The following MAF variants were observed in gnomAD, a reference collection of about 807,000 sequenced individuals.
MAF encodes MAF bZIP transcription factor.
Under a neutral mutation model 22.0 loss-of-function variants are expected in MAF, and 10 were observed. The ratio of observed to expected loss-of-function variants is 0.45; its 90% CI spans 0.28 to 0.77. The LOEUF (loss-of-function observed/expected upper bound fraction) is 0.77, where lower values mean the gene tolerates loss of function less well. MAF is among the 30% of genes least tolerant of loss of function. The probability of loss-of-function intolerance (pLI) is 0.12; values close to 1 mark genes in which losing one functional copy is unlikely to be tolerated. For synonymous variants in MAF, 337 were observed against 255.8 expected (o/e 1.32, Z -3.03); for missense variants, 544 against 548.4 (o/e 0.99, Z 0.08).
At chr16:79,561,009 T>C in the MAF span, among the ~76,000 whole-genome samples, 2 of 152,226 alleles carry the variant, frequency 1.3e-5, no homozygotes, top group African/African-American at 4.8e-5. Flanking sequence ...ACCTCAATGC[T>C]GTCCTGCCGT....
the MAF span, among the ~76,000 whole-genome samples, chr16:79,327,924 G>A: frequency 6.6e-6 from 1 of 152,148 alleles, no homozygotes; most frequent in East Asian, 1.9e-4. Context: ...ATCCTGCTAG[G>A]TGCCAACCAG....
the MAF span, among the ~76,000 whole-genome samples, chr16:79,512,173 C>T: frequency 2.0e-3 from 299 of 152,308 alleles, 3 homozygotes; most frequent in African/African-American, 6.8e-3. Context: ...ACAGATCTTT[C>T]ATCCTCTACC....
At chr16:79,554,126 CAAAA>C in the MAF span, among the ~76,000 whole-genome samples, 6,167 of 64,840 alleles carry the variant, frequency 0.095, 259 homozygotes, top group African/African-American at 0.2. Context: ...AACAAACAAA[CAAAA>C]CCACCAAACC....
rs1366187802 is a variant in MAF, at chr16:79,599,144, G to A, written c.759C>T (p.Gly253=). The A allele has an allele frequency of 1.3e-6, 2 of 1,562,890 alleles. No individual in the cohort carries two copies. Among genetic ancestry groups the A allele is most frequent in the Non-Finnish European group, 1.7e-6 (2 of 1,160,936 alleles). ...GGALHPHHAA[G]GLHFDDRFSD... ...AGAAGCGGTCGTCGAAGTGCAGGCC[G>A]CCGGCGGCGTGGTGCGGGTGCAGGG... The change falls in exon 1 of 2, where the codon GGC becomes GGT. Residue 253 remains glycine, a synonymous_variant. Coordinates refer to ENST00000326043, the MANE Select transcript of MAF (RefSeq NM_005360.5).
chr16:79,213,614 C>G, the MAF span, among the ~76,000 whole-genome samples: 6 of 152,170 alleles, frequency 3.9e-5, no homozygotes, highest in Non-Finnish European at 7.4e-5. Flanking sequence ...CAACTTCCAT[C>G]ATAGGGAACG....
the MAF span, among the ~76,000 whole-genome samples, chr16:79,495,704 C>G: frequency 1.3e-5 from 2 of 152,108 alleles, no homozygotes; most frequent in African/African-American, 4.8e-5. Flanking sequence ...AATTTTGATG[C>G]TCAAAATTCT....
chr16:79,500,254 CAG>C, the MAF span, among the ~76,000 whole-genome samples: 1 of 152,190 alleles, frequency 6.6e-6, no homozygotes, highest in Non-Finnish European at 1.5e-5. Context: ...GACACACACA[CAG>C]AGAGAGAGGG....
At chr16:79,451,577 G>A in the MAF span, among the ~76,000 whole-genome samples, 1 of 152,160 alleles carries the variant, frequency 6.6e-6, no homozygotes, top group Non-Finnish European at 1.5e-5. Flanking sequence ...ACTGGTTATT[G>A]AAAAATGCAA....
the MAF span, among the ~76,000 whole-genome samples, chr16:79,491,250 G>T: frequency 1.3e-5 from 2 of 152,116 alleles, no homozygotes; most frequent in Admixed American, 1.3e-4. Flanking sequence ...ATTACAAATG[G>T]GGCAAACACC....
At chr16:79,468,164 C>A in the MAF span, among the ~76,000 whole-genome samples, 45 of 152,248 alleles carry the variant, frequency 3.0e-4, no homozygotes, top group African/African-American at 9.9e-4. Context: ...TTTCTCTTCC[C>A]GGGCTGCAGA....
the MAF span, among the ~76,000 whole-genome samples, chr16:79,441,696 G>T: frequency 1.3e-5 from 2 of 152,344 alleles, no homozygotes; most frequent in South Asian, 4.1e-4. Flanking sequence ...GCTGATAGAA[G>T]AGGAACAATT....
chr16:79,376,254 T>C, the MAF span, among the ~76,000 whole-genome samples: 7 of 152,168 alleles, frequency 4.6e-5, no homozygotes, highest in Non-Finnish European at 1.0e-4. Flanking sequence ...TTCTAAGTTT[T>C]CTTAATATTG....
Position 79,599,883 on chromosome 16 carries a change from AT to A in MAF, c.19del (p.Met7Ter). The A allele has an allele frequency of 1.9e-6, 3 of 1,603,578 alleles. No individual in the cohort carries two copies. Among genetic ancestry groups the A allele is most frequent in the Non-Finnish European group, 2.5e-6 (3 of 1,179,528 alleles). ...ACTGGTGGGCAGGTCGGAGTTGCTC[AT>A]TGCCAGTTCTGATGCCATTCTCCTG... MASELA[M>X]SNSDLPTSPL... On this transcript the variant is annotated frameshift_variant, in exon 1 of 2. Transcript: ENST00000326043. LOFTEE classifies it high-confidence loss of function.
the MAF span, among the ~76,000 whole-genome samples, chr16:79,331,302 G>A: frequency 5.9e-5 from 9 of 152,314 alleles, no homozygotes; most frequent in Middle Eastern, 6.8e-3. Context: ...AAGACTTGGG[G>A]TGAGGAACGG....
At chr16:79,511,883 C>T in the MAF span, among the ~76,000 whole-genome samples, 1,206 of 152,316 alleles carry the variant, frequency 7.9e-3, 6 homozygotes, top group Non-Finnish European at 0.013. Flanking sequence ...TTTACCTCTG[C>T]TTCGGTCTGC....
chr16:79,270,449 G>A, the MAF span, among the ~76,000 whole-genome samples: 7 of 152,136 alleles, frequency 4.6e-5, no homozygotes, highest in East Asian at 1.2e-3. Context: ...CCTCCTTGAG[G>A]CACTCAACCC....
chr16:79,322,676 G>C, the MAF span, among the ~76,000 whole-genome samples: 3 of 152,076 alleles, frequency 2.0e-5, no homozygotes, highest in African/African-American at 7.2e-5. Flanking sequence ...CACGGGTACT[G>C]AGCTTGTGGG....
the MAF span, among the ~76,000 whole-genome samples, chr16:79,262,249 C>T: frequency 6.6e-6 from 1 of 152,118 alleles, no homozygotes; most frequent in Non-Finnish European, 1.5e-5. Flanking sequence ...GGCCAGACAG[C>T]CAGTAGGTAT....
chr16:79,502,186 G>A, the MAF span, among the ~76,000 whole-genome samples: 3 of 152,190 alleles, frequency 2.0e-5, no homozygotes, highest in Non-Finnish European at 4.4e-5. Context: ...TACGGTGGAA[G>A]GAGCATGGCT....
Sources: allele counts gnomAD v4.1 joint callset (sites outside exome capture counted in the v4.1 genomes callset), GRCh38; gene constraint gnomAD v4.1.1; transcripts MANE v1.5; gene names NCBI Gene and HGNC (gene_info 2026-07-23, HGNC 2026-07-21).